The following TARS2 variants were observed in gnomAD, a reference collection of about 807,000 sequenced individuals.
The protein encoded by TARS2 is threonine--tRNA ligase, mitochondrial.
TARS2 carries 61 observed loss-of-function variants against 94.4 expected under a neutral mutation model. That is an observed-to-expected ratio of 0.65 (90% confidence interval 0.53 to 0.80). TARS2 has a LOEUF of 0.80. TARS2 is among the 30% of genes least tolerant of loss of function. The pLI, the probability that TARS2 is intolerant of heterozygous loss-of-function variation, is 0.00. For missense variants in TARS2, 704 were observed against 902.5 expected, an observed-to-expected ratio of 0.78 and a Z score of 2.82; for synonymous variants, 359 against 353.4, an observed-to-expected ratio of 1.02 and a Z score of -0.18.
intron 13 of TARS2, among the ~76,000 whole-genome samples, chr1:150,501,486 C>A (rs1669919242): frequency 7.7e-6 from 1 of 129,120 alleles, no homozygotes; most frequent in Non-Finnish European, 1.7e-5. Context: ...CATCACCATG[C>A]CTGGCTAATT....
chr1:150,506,693 A>G (rs1264562696), intron 17 of TARS2, among the ~76,000 whole-genome samples: 3 of 151,658 alleles, frequency 2.0e-5, no homozygotes, highest in Admixed American at 1.3e-4. Context: ...CAGAAGCGAT[A>G]AGGCCTGCGG....
intron 13 of TARS2, among the ~76,000 whole-genome samples, chr1:150,500,406 G>A (rs146630168): frequency 1.8e-3 from 267 of 150,602 alleles, no homozygotes; most frequent in African/African-American, 6.2e-3. Flanking sequence ...CCTGGCCAAC[G>A]TGGCGAAACC....
At chr1:150,499,070 C>G (rs753526039) in intron 12 of TARS2, 36 bp downstream of exon 12, 1 of 1,613,898 alleles carries the variant, frequency 6.2e-7, no homozygotes, top group Admixed American at 1.7e-5. Flanking sequence ...GCAGATAAAC[C>G]ACTCTCTGGT....
intron 16 of TARS2, 104 bp downstream of exon 16, chr1:150,505,082 C>A: frequency 1.8e-6 from 2 of 1,094,670 alleles, no homozygotes; most frequent in Non-Finnish European, 2.7e-6. Flanking sequence ...GGAAGGAGCA[C>A]AGCCCTCACA....
In TARS2 at chr1:150,498,617, C is replaced by T. The variant is rs146503501; in HGVS notation, c.1354C>T (p.Arg452Trp). 425 of 1,612,564 alleles carry T rather than the reference C, an allele frequency of 2.6e-4. No homozygotes were observed. The highest frequency in any genetic ancestry group is 4.7e-4 in the Admixed American group (28 of 59,342). ...SGGLGGLTRL[R>W]CFQQDDAHIF... ...TGGTCTGGGGGGACTGACCCGACTG[C>T]GGTGCTTCCAGCAGGATGACGCTCA... is the stretch of plus-strand genomic sequence containing the variant. The change falls in exon 11 of 18, where the codon CGG becomes TGG. Residue 452 changes from arginine (R) to tryptophan (W), a missense_variant. Transcript: ENST00000369064.
Position 150,491,518 on chromosome 1 carries a change from T to G in TARS2, c.630+7T>G. On this transcript the variant is annotated splice_region_variant and intron_variant, in intron 5 of 17. Coordinates refer to ENST00000369064, the MANE Select transcript of TARS2 (RefSeq NM_025150.5). ...GCTTCGCCAGTTGTTCAAGGTGGGGTGGAGGGAAGAGGTGGCTCTTCCAGG... is the reference window on the plus strand; with the variant it reads ...GCTTCGCCAGTTGTTCAAGGTGGGGGGGAGGGAAGAGGTGGCTCTTCCAGG... 1 of 1,614,046 alleles carries G rather than the reference T, an allele frequency of 6.2e-7. No individual in the cohort carries two copies. Among genetic ancestry groups the G allele is most frequent in the Non-Finnish European group, 8.5e-7 (1 of 1,179,962 alleles).
intron 3 of TARS2, among the ~76,000 whole-genome samples, chr1:150,489,747 C>G (rs1669301901): frequency 6.6e-6 from 1 of 152,092 alleles, no homozygotes. Flanking sequence ...TCAAGACCAG[C>G]CTGGCCAACA....
intron 7 of TARS2, among the ~76,000 whole-genome samples, chr1:150,493,854 G>C (rs771200379): frequency 6.6e-6 from 1 of 151,584 alleles, no homozygotes; most frequent in South Asian, 2.1e-4. Flanking sequence ...CAGATGTGTA[G>C]AGCAAAAAGC....
At chr1:150,501,882 CT>C (rs145791174) in intron 13 of TARS2, among the ~76,000 whole-genome samples, 2 of 151,596 alleles carry the variant, frequency 1.3e-5, no homozygotes, top group African/African-American at 2.4e-5. Flanking sequence ...TAGCTAAAAT[CT>C]TTTTTTTGTT....
chr1:150,491,568 T>C (rs1210837978), intron 5 of TARS2, 30 bp from the exon 6 acceptor site: 1 of 1,614,184 alleles, frequency 6.2e-7, no homozygotes, highest in Admixed American at 1.7e-5. Context: ...ATAAACACTT[T>C]TCTTCAATCT....
rs1489188959 is a variant in TARS2, at chr1:150,499,213, A to T, written c.1540-3A>T. On this transcript the variant is annotated splice_polypyrimidine_tract_variant and splice_region_variant and intron_variant, in intron 12 of 17. Coordinates refer to ENST00000369064, the MANE Select transcript of TARS2 (RefSeq NM_025150.5). The stretch of plus-strand genomic sequence containing the variant: ...ATTCCACTCTTGTCTCATTCCTTCA[A>T]AGGTCCTTAAACAGGCCCTGAAGGA... 6.2e-7 allele frequency: 1 copy of T among 1,613,924 alleles called. No homozygotes were observed. The highest frequency in any genetic ancestry group is 8.5e-7 in the Non-Finnish European group (1 of 1,179,994).
At chr1:150,494,751 A>G (rs373720895) in intron 7 of TARS2, among the ~76,000 whole-genome samples, 110 of 151,568 alleles carry the variant, frequency 7.3e-4, no homozygotes, top group African/African-American at 2.5e-3. Flanking sequence ...AAATATACAT[A>G]TAGGGGCTGG....
chr1:150,488,270 A>T, intron 2 of TARS2: 1 of 506,870 alleles, frequency 2.0e-6, no homozygotes. Context: ...CCTGGGCTCA[A>T]GCGATCCTTC....
At chr1:150,501,490 G>A (rs1669919495) in intron 13 of TARS2, among the ~76,000 whole-genome samples, 1 of 145,504 alleles carries the variant, frequency 6.9e-6, no homozygotes, top group African/African-American at 2.6e-5. Context: ...ACCATGCCTG[G>A]CTAATTTTTT....
Position 150,504,783 on chromosome 1 carries a change from T to C in TARS2, c.1820+50T>C, listed in dbSNP as rs758203377. ...GTTCTGGCCCCAAACCGGATAGTTA[T>C]GCTCCAGATCCTGTCCCCCTTCATA... On this transcript the variant is annotated intron_variant, in intron 15 of 17. Transcript: ENST00000369064. The C allele has an allele frequency of 1.8e-5, 29 of 1,610,128 alleles. No homozygotes were observed. In the South Asian group the frequency reaches 2.3e-4, roughly 13 times the overall value.
Position 150,496,872 on chromosome 1 carries a change from G to A in TARS2, c.984G>A (p.Gly328=). 1 of 1,614,100 alleles carries A rather than the reference G, an allele frequency of 6.2e-7. No individual in the cohort carries two copies. The highest frequency in any genetic ancestry group is 8.5e-7 in the Non-Finnish European group (1 of 1,180,036). Residue 328 remains glycine (G), a synonymous_variant, in exon 9 of 18, where the codon GGG becomes GGA. Coordinates refer to ENST00000369064, the MANE Select transcript of TARS2 (RefSeq NM_025150.5). ...GGAGCTGCTTCTTCCTGCCACGAGGGACAAGGGTGTATAATGCACTAGTGG... is the reference window on the plus strand; with the variant it reads ...GGAGCTGCTTCTTCCTGCCACGAGGAACAAGGGTGTATAATGCACTAGTGG... ...SPGSCFFLPR[G]TRVYNALVAF...
At chr1:150,500,275 G>A (rs1324008187) in intron 13 of TARS2, among the ~76,000 whole-genome samples, 1 of 152,158 alleles carries the variant, frequency 6.6e-6, no homozygotes, top group Non-Finnish European at 1.5e-5. Flanking sequence ...AGTAAAGTAG[G>A]GCCTGAGGGT....
chr1:150,491,569 T>C lies in TARS2; in HGVS notation c.631-29T>C, dbSNP rs760326883. ...ACATCTTTGTGGGAATAAACACTTT[T>C]CTTCAATCTCCCTTCTACCTTTTTC... On this transcript the variant is annotated intron_variant, in intron 5 of 17. Transcript: ENST00000369064. 9.5e-5 allele frequency: 153 copies of C among 1,614,178 alleles called. 1 individual carries two copies. In the East Asian group the frequency reaches 3.0e-3, roughly 31 times the overall value.
At chr1:150,502,230 G>GT (rs57189623) in intron 13 of TARS2, among the ~76,000 whole-genome samples, 87,709 of 150,578 alleles carry the variant, frequency 0.58, 26,011 homozygotes, top group Non-Finnish European at 0.62. Flanking sequence ...TTTCGTTTTT[G>GT]TTTTTTTCCC....
Sources: gnomAD v4.1 joint callset for allele counts (sites outside exome capture counted in the v4.1 genomes callset) on GRCh38, gnomAD v4.1.1 for gene constraint, MANE v1.5 for transcripts, NCBI Gene and HGNC (gene_info 2026-07-23, HGNC 2026-07-21) for gene names.